The following CACNB4 variants were observed in gnomAD, a reference collection of about 807,000 sequenced individuals.
The protein encoded by CACNB4 is voltage-dependent L-type calcium channel subunit beta-4.
Under a neutral mutation model 71.2 loss-of-function variants are expected in CACNB4, and 32 were observed. The observed-to-expected ratio is 0.45, with a 90% CI of 0.34 to 0.60. The LOEUF is 0.60. CACNB4 is among the 20% of genes least tolerant of loss of function. CACNB4 has a pLI of 0.01. For missense variants in CACNB4, 464 were observed against 647.9 expected (o/e 0.72, Z 3.08); for synonymous variants, 231 against 236.9 (o/e 0.97, Z 0.23).
chr2:151,997,286 G>A (rs1010002208), intron 2 of CACNB4, among the ~76,000 whole-genome samples: 5 of 152,210 alleles, frequency 3.3e-5, no homozygotes, highest in Admixed American at 1.3e-4. Context: ...TGTAATCCCA[G>A]CACTTTGGGA....
chr2:151,876,643 T>G (rs186843714), intron 4 of CACNB4, 87 bp from the exon 5 acceptor site: 3 of 834,596 alleles, frequency 3.6e-6, no homozygotes, highest in Non-Finnish European at 3.7e-6. Flanking sequence ...AAGAATAAAA[T>G]GCTATTTATA....
At chr2:151,992,654 G>A (rs137971341) in intron 2 of CACNB4, among the ~76,000 whole-genome samples, 5 of 152,230 alleles carry the variant, frequency 3.3e-5, no homozygotes, top group East Asian at 3.9e-4. Flanking sequence ...ACCAGCACCC[G>A]GGGGAGCAGA....
chr2:151,844,051 C>T (rs2151324938), intron 12 of CACNB4, among the ~76,000 whole-genome samples: 1 of 152,264 alleles, frequency 6.6e-6, no homozygotes, highest in South Asian at 2.1e-4. Context: ...AGAAAATTCC[C>T]CCCAACCAAG....
At chr2:151,947,480 T>C (rs1407632538) in intron 2 of CACNB4, among the ~76,000 whole-genome samples, 2 of 152,208 alleles carry the variant, frequency 1.3e-5, no homozygotes, top group African/African-American at 4.8e-5. Context: ...CAGAGTGGCC[T>C]GTGGACCACA....
chr2:151,989,124 A>G (rs531598646), intron 2 of CACNB4, among the ~76,000 whole-genome samples: 1 of 152,206 alleles, frequency 6.6e-6, no homozygotes, highest in South Asian at 2.1e-4. Context: ...TGGAATCCCA[A>G]TTTCTCTGGC....
chr2:151,862,071 A>G (rs987079558), intron 9 of CACNB4, among the ~76,000 whole-genome samples: 3 of 152,110 alleles, frequency 2.0e-5, no homozygotes, highest in South Asian at 2.1e-4. Flanking sequence ...TCTTCACAGC[A>G]TGGTTCCCAG....
chr2:151,904,961 T>G (rs2151516475), intron 2 of CACNB4, among the ~76,000 whole-genome samples: 1 of 152,332 alleles, frequency 6.6e-6, no homozygotes, highest in South Asian at 2.1e-4. Flanking sequence ...AGTGAAACAT[T>G]CTGAAATGTA....
intron 2 of CACNB4, chr2:151,883,587 T>C: frequency 1.8e-6 from 1 of 555,148 alleles, no homozygotes; most frequent in Non-Finnish European, 3.2e-6. Flanking sequence ...TTTGACTAGA[T>C]TAAGTGCTAG....
chr2:151,868,124 A>T (rs2151396402), intron 9 of CACNB4: 1 of 152,332 alleles, frequency 6.6e-6, no homozygotes, highest in East Asian at 1.9e-4. Context: ...TACAATTTAT[A>T]TTTAAAGCAA....
intron 2 of CACNB4, among the ~76,000 whole-genome samples, chr2:151,978,746 T>A (rs139615978): frequency 6.6e-6 from 1 of 152,246 alleles, no homozygotes; most frequent in East Asian, 1.9e-4. Context: ...TAGGGTGGGA[T>A]TGCTAAACCT....
chr2:152,012,175 G>A (rs1683092925), intron 2 of CACNB4, among the ~76,000 whole-genome samples: 1 of 151,762 alleles, frequency 6.6e-6, no homozygotes, highest in African/African-American at 2.4e-5. Context: ...AGGCATCATT[G>A]TCATAGCAGA....
At position 152,098,456 on chromosome 2, in the gene CACNB4, C is replaced by G; in HGVS notation, c.64-43G>C. 1 of 1,557,224 alleles carries G rather than the reference C, an allele frequency of 6.4e-7. No homozygotes were observed. The highest frequency in any genetic ancestry group is 1.1e-5 in the South Asian group (1 of 90,028). ...GGGCCAGAGAGAAGCCGGTGAGGAC[C>G]GCAGCGCAGAGCGGGGCGACCACCC... On this transcript the variant is annotated intron_variant, in intron 1 of 13. Transcript: ENST00000539935. The surrounding 1 kb of genome is among the most constrained non-coding windows in gnomAD (Gnocchi z 5.3).
At chr2:151,881,497 C>CT (rs2099847839) in intron 3 of CACNB4, among the ~76,000 whole-genome samples, 2 of 152,334 alleles carry the variant, frequency 1.3e-5, no homozygotes, top group South Asian at 4.1e-4. Flanking sequence ...TTTTGAAACT[C>CT]TTTTTACACA....
At chr2:152,024,571 T>C (rs774555287) in intron 2 of CACNB4, among the ~76,000 whole-genome samples, 1 of 152,220 alleles carries the variant, frequency 6.6e-6, no homozygotes, top group Non-Finnish European at 1.5e-5. Context: ...TGGCTTTGAA[T>C]TGTGAAACAA....
At chr2:151,981,931 C>T (rs1274461624) in intron 2 of CACNB4, among the ~76,000 whole-genome samples, 1 of 152,148 alleles carries the variant, frequency 6.6e-6, no homozygotes, top group Non-Finnish European at 1.5e-5. Context: ...GACACTCATT[C>T]TAGATCCCTC....
intron 2 of CACNB4, among the ~76,000 whole-genome samples, chr2:152,068,861 T>C (rs1686496616): frequency 1.3e-5 from 2 of 152,218 alleles, no homozygotes; most frequent in South Asian, 4.1e-4. Flanking sequence ...GTTGATATCT[T>C]TGAGATGCAC....
At position 151,838,170 on chromosome 2, in the gene CACNB4, G is replaced by A. The variant is rs1348160332; in HGVS notation, c.*949C>T. On this transcript the variant is annotated 3_prime_UTR_variant, in exon 14 of 14. Coordinates refer to ENST00000539935, the MANE Select transcript of CACNB4 (RefSeq NM_000726.5). The stretch of plus-strand genomic sequence containing the variant: ...GAAGTGTTTAGCATTGCACTCGGGA[G>A]GATTGGTACCACATCCTTACTATCT... 1.3e-5 allele frequency: 2 copies of A among 152,530 alleles called. No individual in the cohort carries two copies. Among genetic ancestry groups the A allele is most frequent in the Non-Finnish European group, 2.9e-5 (2 of 68,012 alleles). The allele number at this position is 152,530 out of a possible 1,614,324, so 9.4% of individuals were successfully genotyped here. A position where few individuals can be genotyped will look rare whatever the true frequency, so the allele number is the denominator to read the frequency against.
chr2:151,921,170 TA>T (rs912179207), intron 2 of CACNB4, among the ~76,000 whole-genome samples: 25 of 55,176 alleles, frequency 4.5e-4, no homozygotes, highest in Admixed American at 1.2e-3. Flanking sequence ...AATAAATAAA[TA>T]AATAAATAAA....
intron 2 of CACNB4, among the ~76,000 whole-genome samples, chr2:152,067,741 T>C (rs987421640): frequency 4.6e-5 from 7 of 152,158 alleles, no homozygotes; most frequent in African/African-American, 1.7e-4. Context: ...ATAGCAATCA[T>C]CGCAGGCATA....
Sources: allele counts gnomAD v4.1 joint callset (sites outside exome capture counted in the v4.1 genomes callset), GRCh38; gene constraint gnomAD v4.1.1; non-coding constraint Gnocchi (gnomAD v3.1); transcripts MANE v1.5; gene names NCBI Gene and HGNC (gene_info 2026-07-23, HGNC 2026-07-21).